SORT1: variants seen among roughly 807,000 people sequenced by gnomAD.
The protein encoded by SORT1 is sortilin 1, also known as sortilin.
SORT1 carries 39 observed loss-of-function variants against 101.7 expected under a neutral mutation model. The ratio of observed to expected loss-of-function variants is 0.38; its 90% CI spans 0.30 to 0.50. The LOEUF is 0.50. Among genes scored for constraint, SORT1 ranks in the 20% least tolerant of loss-of-function variants. The probability of loss-of-function intolerance (pLI) is 0.90; values close to 1 mark genes in which losing one functional copy is unlikely to be tolerated. For synonymous variants in SORT1, 396 were observed against 393.7 expected, an observed-to-expected ratio of 1.01 and a Z score of -0.07; for missense variants, 878 against 1,040.4, an observed-to-expected ratio of 0.84 and a Z score of 2.15.
At chr1:109,348,996 A>C (rs1358947180) in intron 6 of SORT1, among the ~76,000 whole-genome samples, 1 of 152,090 alleles carries the variant, frequency 6.6e-6, no homozygotes, top group Admixed American at 6.6e-5. Context: ...TTATTTACAC[A>C]TGACCTACAT....
chr1:109,377,284 C>G (rs543914175), intron 1 of SORT1, among the ~76,000 whole-genome samples: 1 of 152,300 alleles, frequency 6.6e-6, no homozygotes, highest in Admixed American at 6.5e-5. Flanking sequence ...AGGCCTAGCA[C>G]AAGGTCTTAT....
In SORT1 at chr1:109,345,648, A is replaced by C. The variant is rs1157129732; in HGVS notation, c.963+103T>G. On this transcript the variant is annotated intron_variant, in intron 8 of 19. Coordinates refer to ENST00000256637, the MANE Select transcript of SORT1 (RefSeq NM_002959.7). ...AACACTCACAGTGGTACTAAATATA[A>C]CAAAAAGACAAGAAACTCTGTCAAT... 8 of 1,150,698 alleles carry C rather than the reference A, an allele frequency of 7.0e-6. No individual in the cohort carries two copies. The African/African-American group carries it at 1.2e-4, about 18-fold the overall frequency. The allele number at this position is 1,150,698 out of a possible 1,614,324, so 71.3% of individuals were successfully genotyped here.
chr1:109,366,127 G>A (rs115730757), intron 3 of SORT1, among the ~76,000 whole-genome samples: 2,500 of 152,286 alleles, frequency 0.016, 31 homozygotes, highest in Middle Eastern at 0.027. Flanking sequence ...GCAATCTCTA[G>A]GAGTTAGTTG....
At position 109,362,736 on chromosome 1, in the gene SORT1, G is replaced by A. The variant is rs989750907; in HGVS notation, c.440+4672C>T. ...ATCTTACTCTGATTGACAACTTTAC[G>A]TGTATAGAAGTGAAGTTGTATTAAA... is the stretch of plus-strand genomic sequence containing the variant. On this transcript the variant is annotated intron_variant, in intron 3 of 19. Coordinates refer to ENST00000256637, the MANE Select transcript of SORT1 (RefSeq NM_002959.7). Among the ~76,000 whole-genome samples the A allele has an allele frequency of 3.3e-5, 5 of 151,558 alleles. No individual in the cohort carries two copies. The East Asian group carries it at 5.8e-4, about 18-fold the overall frequency.
At chr1:109,379,116 C>T (rs1652062886) in intron 1 of SORT1, among the ~76,000 whole-genome samples, 1 of 151,222 alleles carries the variant, frequency 6.6e-6, no homozygotes, top group Non-Finnish European at 1.5e-5. Flanking sequence ...GCACTCCAGC[C>T]TGGGTGACAA....
intron 1 of SORT1, among the ~76,000 whole-genome samples, chr1:109,383,269 A>AG (rs1652373343): frequency 6.6e-6 from 1 of 152,324 alleles, no homozygotes; most frequent in South Asian, 2.1e-4. Flanking sequence ...CAAGCAAAGA[A>AG]GGAAGTGAAT....
At chr1:109,339,424 C>T (rs914361011) in intron 10 of SORT1, among the ~76,000 whole-genome samples, 17 of 152,174 alleles carry the variant, frequency 1.1e-4, no homozygotes, top group African/African-American at 3.9e-4. Context: ...AAATCACTGC[C>T]ATCCATAGGA....
chr1:109,327,436 G>T, intron 12 of SORT1, 63 bp downstream of exon 12: 1 of 1,015,252 alleles, frequency 9.8e-7, no homozygotes, highest in Non-Finnish European at 1.5e-6. Context: ...AAAGCCTGTT[G>T]GCTGAGTTTC....
Position 109,362,397 on chromosome 1 carries a change from T to C in SORT1, c.440+5011A>G, listed in dbSNP as rs555814513. On this transcript the variant is annotated intron_variant, in intron 3 of 19. Coordinates refer to ENST00000256637, the MANE Select transcript of SORT1 (RefSeq NM_002959.7). ...CTGAGATTTCCAGGTAAAAGATCAA[T>C]AGGGAGAATGTAGTTTATTAAAATG... 1.7e-3 allele frequency among the ~76,000 whole-genome samples: 265 copies of C among 152,264 alleles called. 1 individual carries two copies. The highest frequency in any genetic ancestry group is 6.0e-3 in the African/African-American group (251 of 41,550).
chr1:109,394,865 A>G (rs1336388569), intron 1 of SORT1, among the ~76,000 whole-genome samples: 2 of 152,224 alleles, frequency 1.3e-5, no homozygotes, highest in African/African-American at 4.8e-5. Context: ...TATGTAGGAA[A>G]AATGATTCTA....
At chr1:109,321,062 G>A (rs775701273) in intron 15 of SORT1, among the ~76,000 whole-genome samples, 2 of 152,116 alleles carry the variant, frequency 1.3e-5, no homozygotes, top group Non-Finnish European at 2.9e-5. Flanking sequence ...TCTCTGTTGC[G>A]AGGTTAAATG....
In SORT1 at chr1:109,355,454, C is replaced by T; in HGVS notation, c.456G>A (p.Lys152=). ...SKLYRSEDYG[K]NFKDITDLIN... ...TGAGATCTGTAATATCCTTAAAGTT[C>T]TTCCCATAATCCTCACTGAGAGGAA... The change falls in exon 4 of 20, where the codon AAG becomes AAA. Residue 152 remains lysine (K), a synonymous_variant. Coordinates refer to ENST00000256637, the MANE Select transcript of SORT1 (RefSeq NM_002959.7). The T allele has an allele frequency of 1.3e-6, 2 of 1,578,422 alleles. No individual in the cohort carries two copies. Among genetic ancestry groups the T allele is most frequent in the Non-Finnish European group, 1.7e-6 (2 of 1,147,500 alleles).
At chr1:109,346,153 T>C (rs575091156) in intron 7 of SORT1, among the ~76,000 whole-genome samples, 41 of 151,226 alleles carry the variant, frequency 2.7e-4, no homozygotes, top group Non-Finnish European at 4.1e-4. Context: ...GTACTAAAAA[T>C]ACAAAAAAAT....
chr1:109,328,971 A>C (rs1181692384), intron 11 of SORT1, among the ~76,000 whole-genome samples: 1 of 152,156 alleles, frequency 6.6e-6, no homozygotes, highest in East Asian at 1.9e-4. Context: ...TTTCACCTGA[A>C]GACCCACTTA....
chr1:109,321,602 C>CAGGAG (rs1647631421), intron 15 of SORT1, among the ~76,000 whole-genome samples: 1 of 152,156 alleles, frequency 6.6e-6, no homozygotes, highest in Non-Finnish European at 1.5e-5. Context: ...GTGAGCCATG[C>CAGGAG]AGGAGAAACC....
chr1:109,375,223 T>C (rs1280934403), intron 1 of SORT1, among the ~76,000 whole-genome samples: 2 of 152,098 alleles, frequency 1.3e-5, no homozygotes, highest in African/African-American at 2.4e-5. Flanking sequence ...GCTGATTATA[T>C]ATGCAATCAG....
At chr1:109,352,695 A>AATTTG (rs1391078593) in intron 5 of SORT1, among the ~76,000 whole-genome samples, 2 of 152,230 alleles carry the variant, frequency 1.3e-5, no homozygotes, top group Non-Finnish European at 2.9e-5. Flanking sequence ...GACAAGGCAG[A>AATTTG]ATTTGATACC....
Position 109,397,610 on chromosome 1 carries a change from T to A in SORT1, c.283A>T (p.Lys95Ter). 7.8e-7 allele frequency: 1 copy of A among 1,282,680 alleles called. No homozygotes were observed. 79.5% of individuals were successfully genotyped at this position (1,282,680 alleles called of 1,614,324 possible). Reference sequence around the variant, plus strand: ...ACCTGGTGCGTGTTGTTGGCCAGCTTGGCGACGAAGTCCCGGACCCGGCCG... The same window carrying A: ...ACCTGGTGCGTGTTGTTGGCCAGCTAGGCGACGAAGTCCCGGACCCGGCCG... ...ECGRVRDFVA[K>*]LANNTHQHVF... is the part of the protein sequence containing the mutation. The change falls in exon 1 of 20, where the codon AAG becomes TAG. Residue 95 changes from lysine to a stop codon, truncating the protein, a stop_gained. Transcript: ENST00000256637. LOFTEE classifies it high-confidence loss of function.
chr1:109,354,411 A>G lies in SORT1; in HGVS notation c.664T>C (p.Tyr222His). Residue 222 changes from tyrosine (Y) to histidine (H), a missense_variant, in exon 5 of 20, where the codon TAT (tyrosine) becomes CAT (histidine). Transcript: ENST00000256637. ...AGATAATCAGAATTCTGAGGGCTAT[A>G]CATCATCTGAGTGAGAGGATGAAAA... ...LPFHPLTQMM[Y>H]SPQNSDYLLA... is the part of the protein sequence containing the mutation. 1.2e-6 allele frequency: 2 copies of G among 1,613,296 alleles called. No individual in the cohort carries two copies. Among genetic ancestry groups the G allele is most frequent in the Non-Finnish European group, 1.7e-6 (2 of 1,179,234 alleles).
Sources: gnomAD v4.1 joint callset for allele counts (sites outside exome capture counted in the v4.1 genomes callset) on GRCh38, gnomAD v4.1.1 for gene constraint, MANE v1.5 for transcripts, NCBI Gene and HGNC (gene_info 2026-07-23, HGNC 2026-07-21) for gene names.